The following CPN1 variants were observed in gnomAD, a reference collection of about 807,000 sequenced individuals.
The protein encoded by CPN1 is carboxypeptidase N catalytic chain.
A neutral mutation model predicts 46.4 loss-of-function variants in CPN1; 37 were observed. The observed-to-expected ratio is 0.80, with a 90% confidence interval of 0.61 to 1.05. The LOEUF is 1.05. Ranked by LOEUF, CPN1 falls within the 50% of genes least tolerant of loss-of-function variation. CPN1 has a pLI of 0.00. For synonymous variants in CPN1, 224 were observed against 235.4 expected (o/e 0.95, Z 0.44); for missense variants, 563 against 602.6 (o/e 0.93, Z 0.69).
At position 100,059,952 on chromosome 10, in the gene CPN1, C is replaced by T. The variant is rs534504826; in HGVS notation, c.872-2800G>A. ...TGACAAACGCCATAACATGGATGAA[C>T]TTTGAGGACATTATGGTAAGTGAAA... On this transcript the variant is annotated intron_variant, in intron 5 of 8. Transcript: ENST00000370418. Among the ~76,000 whole-genome samples, 385 of 152,210 alleles carry T rather than the reference C, an allele frequency of 2.5e-3. 2 individuals carry two copies. The highest frequency in any genetic ancestry group is 8.7e-3 in the African/African-American group (361 of 41,526).
At chr10:100,045,846 A>G (rs1478359914) in intron 8 of CPN1, among the ~76,000 whole-genome samples, 1 of 152,162 alleles carries the variant, frequency 6.6e-6, no homozygotes, top group Non-Finnish European at 1.5e-5. Flanking sequence ...GCATTGTGTT[A>G]ATAGGGAAAG....
chr10:100,070,719 C>T (rs1477376788), intron 2 of CPN1, among the ~76,000 whole-genome samples: 1 of 152,168 alleles, frequency 6.6e-6, no homozygotes, highest in Non-Finnish European at 1.5e-5. Flanking sequence ...AGGTACATAT[C>T]TCAAGAGAAG....
chr10:100,055,815 C>T (rs550904537), intron 6 of CPN1, among the ~76,000 whole-genome samples: 10 of 152,236 alleles, frequency 6.6e-5, no homozygotes, highest in South Asian at 2.1e-4. Flanking sequence ...TGAGCCACCA[C>T]GCCTAGAGAC....
intron 1 of CPN1, among the ~76,000 whole-genome samples, chr10:100,079,895 G>C (rs528483186): frequency 6.6e-6 from 1 of 152,110 alleles, no homozygotes; most frequent in Non-Finnish European, 1.5e-5. Flanking sequence ...GACCAGCCTG[G>C]CCAACACGGT....
intron 2 of CPN1, among the ~76,000 whole-genome samples, chr10:100,075,560 C>A (rs1481720970): frequency 6.6e-6 from 1 of 152,162 alleles, no homozygotes; most frequent in African/African-American, 2.4e-5. Flanking sequence ...AGGAAAGGAG[C>A]TTTATTTTGC....
At chr10:100,067,267 C>A (rs948651016) in intron 3 of CPN1, among the ~76,000 whole-genome samples, 1 of 152,114 alleles carries the variant, frequency 6.6e-6, no homozygotes. Flanking sequence ...TAGGCGCCCA[C>A]CACCACAGCT....
At chr10:100,058,830 G>A (rs1020016813) in intron 5 of CPN1, among the ~76,000 whole-genome samples, 2 of 152,126 alleles carry the variant, frequency 1.3e-5, no homozygotes, top group African/African-American at 2.4e-5. Context: ...ATGTGGTACT[G>A]GTGTAAAGAC....
intron 2 of CPN1, among the ~76,000 whole-genome samples, chr10:100,074,027 G>A (rs1431442982): frequency 7.1e-6 from 1 of 140,052 alleles, no homozygotes; most frequent in Non-Finnish European, 1.7e-5. Flanking sequence ...GATTACACTG[G>A]GCCCCATCCC....
At chr10:100,077,983 G>A (rs554087459) in intron 1 of CPN1, among the ~76,000 whole-genome samples, 17 of 152,282 alleles carry the variant, frequency 1.1e-4, no homozygotes, top group African/African-American at 3.1e-4. Context: ...ACTTTGGACA[G>A]TGCCATGCAC....
intron 2 of CPN1, among the ~76,000 whole-genome samples, chr10:100,071,322 T>C (rs2133444561): frequency 6.6e-6 from 1 of 152,302 alleles, no homozygotes; most frequent in South Asian, 2.1e-4. Context: ...CTAGAAGTTG[T>C]AATCAAGTCA....
intron 1 of CPN1, among the ~76,000 whole-genome samples, chr10:100,076,392 T>C (rs755552416): frequency 6.6e-6 from 1 of 152,186 alleles, no homozygotes; most frequent in Non-Finnish European, 1.5e-5. Context: ...AAAGTGGGCA[T>C]TAATAGCCTC....
intron 4 of CPN1, among the ~76,000 whole-genome samples, chr10:100,064,287 T>C (rs1021858658): frequency 4.0e-5 from 6 of 151,736 alleles, no homozygotes; most frequent in African/African-American, 1.5e-4. Flanking sequence ...AAAAAAACAA[T>C]GTGCTATTCA....
chr10:100,080,750 G>A (rs551695869), intron 1 of CPN1, among the ~76,000 whole-genome samples: 44 of 151,964 alleles, frequency 2.9e-4, no homozygotes, highest in Non-Finnish European at 1.6e-4. Flanking sequence ...AAAATTAGCC[G>A]GGCGTATTGG....
intron 2 of CPN1, among the ~76,000 whole-genome samples, chr10:100,074,042 C>CG (rs1171868187): frequency 1.3e-5 from 2 of 152,094 alleles, no homozygotes; most frequent in Admixed American, 6.6e-5. Flanking sequence ...CATCCCCCCC[C>CG]CACAATACTC....
intron 5 of CPN1, 112 bp downstream of exon 5, chr10:100,063,502 G>T: frequency 1.2e-6 from 1 of 834,366 alleles, no homozygotes; most frequent in South Asian, 1.4e-5. Flanking sequence ...ATCTCAACTT[G>T]AGTGCAAAAT....
intron 5 of CPN1, among the ~76,000 whole-genome samples, chr10:100,062,074 G>T (rs1226470698): frequency 2.0e-5 from 3 of 152,024 alleles, no homozygotes; most frequent in Admixed American, 2.0e-4. Flanking sequence ...CCTCAGTTTT[G>T]CACCTCTCTA....
chr10:100,047,025 G>C (rs1398671319), intron 8 of CPN1, among the ~76,000 whole-genome samples: 2 of 151,456 alleles, frequency 1.3e-5, no homozygotes, highest in Non-Finnish European at 2.9e-5. Context: ...AGTGAGCCGA[G>C]ATTGAGCCAC....
At chr10:100,051,037 A>C (rs900922058) in intron 7 of CPN1, among the ~76,000 whole-genome samples, 1 of 152,196 alleles carries the variant, frequency 6.6e-6, no homozygotes, top group African/African-American at 2.4e-5. Context: ...AAAACAAAAA[A>C]ATTTCTTTTA....
chr10:100,046,886 C>G (rs1336258436), intron 8 of CPN1, among the ~76,000 whole-genome samples: 1 of 151,864 alleles, frequency 6.6e-6, no homozygotes, highest in Non-Finnish European at 1.5e-5. Context: ...TCAGCCTGGC[C>G]AACATGGCAA....
Sources: gnomAD v4.1 joint callset for allele counts (sites outside exome capture counted in the v4.1 genomes callset) on GRCh38, gnomAD v4.1.1 for gene constraint, MANE v1.5 for transcripts, NCBI Gene and HGNC (gene_info 2026-07-23, HGNC 2026-07-21) for gene names.